CFTR: variants seen among roughly 807,000 people sequenced by gnomAD.
CFTR encodes the protein cystic fibrosis transmembrane conductance regulator.
A neutral mutation model predicts 171.6 loss-of-function variants in CFTR; 181 were observed. That is an observed-to-expected ratio of 1.05 (90% CI 0.93 to 1.19). The LOEUF is 1.19. CFTR is among the 50% of genes most tolerant of loss of function. The pLI is 0.00. For synonymous variants in CFTR, 583 were observed against 608.0 expected (o/e 0.96, Z 0.60); for missense variants, 1,968 against 1,734.7 (o/e 1.13, Z -2.39).
At chr7:117,610,466 A>C in intron 18 of CFTR, 53 bp from the exon 19 acceptor site, 2 of 1,497,524 alleles carry the variant, frequency 1.3e-6, no homozygotes, top group Non-Finnish European at 1.9e-6. Context: ...CACTTTGTCC[A>C]CTTTGCAATG....
chr7:117,665,177 T>C (rs1449596659), intron 25 of CFTR, among the ~76,000 whole-genome samples: 1 of 152,196 alleles, frequency 6.6e-6, no homozygotes, highest in Non-Finnish European at 1.5e-5. Flanking sequence ...ATAAGCATGT[T>C]TATAGCCCCA....
At chr7:117,485,266 T>C (rs1194469824) in intron 1 of CFTR, among the ~76,000 whole-genome samples, 1 of 152,188 alleles carries the variant, frequency 6.6e-6, no homozygotes, top group South Asian at 2.1e-4. Context: ...GTGTTGGTTG[T>C]CAAAACGTTA....
intron 2 of CFTR, 35 bp downstream of exon 2, chr7:117,504,398 A>T: frequency 1.0e-6 from 1 of 990,766 alleles, no homozygotes; most frequent in Non-Finnish European, 1.6e-6. Context: ...TGAAGAGAGA[A>T]ATTCATATTA....
At position 117,484,685 on chromosome 7, in the gene CFTR, A is replaced by G. The variant is rs1419645139; in HGVS notation, c.53+4538A>G. 2.0e-5 allele frequency among the ~76,000 whole-genome samples: 3 copies of G among 151,696 alleles called. 1 individual carries two copies. The highest frequency in any genetic ancestry group is 4.1e-4 in the South Asian group (2 of 4,826). ...TACCTGATATATGACAAAAATTATA[A>G]TTACATTTATTTATATATAAAATAT... is the stretch of plus-strand genomic sequence containing the variant. On this transcript the variant is annotated intron_variant, in intron 1 of 26. Transcript: ENST00000003084.
At chr7:117,490,242 G>C (rs1281067575) in intron 1 of CFTR, among the ~76,000 whole-genome samples, 1 of 148,986 alleles carries the variant, frequency 6.7e-6, no homozygotes, top group Non-Finnish European at 1.5e-5. Flanking sequence ...GTATTATTAT[G>C]ATATCAAAAA....
At chr7:117,484,100 G>A (rs1798037300) in intron 1 of CFTR, among the ~76,000 whole-genome samples, 1 of 152,082 alleles carries the variant, frequency 6.6e-6, no homozygotes, top group African/African-American at 2.4e-5. Flanking sequence ...TTATGGCTAA[G>A]CCATAAATAT....
At chr7:117,652,310 A>T (rs1793100690) in intron 23 of CFTR, among the ~76,000 whole-genome samples, 1 of 152,194 alleles carries the variant, frequency 6.6e-6, no homozygotes, top group Non-Finnish European at 1.5e-5. Flanking sequence ...TGATCAGATA[A>T]GTAGAGTTGT....
At chr7:117,636,620 T>G (rs1208497509) in intron 22 of CFTR, among the ~76,000 whole-genome samples, 1 of 152,112 alleles carries the variant, frequency 6.6e-6, no homozygotes, top group Non-Finnish European at 1.5e-5. Flanking sequence ...GAAGTTTCTA[T>G]TGACATATTC....
At chr7:117,653,418 GCATACTTCCTGGTT>G (rs1380036010) in intron 24 of CFTR, among the ~76,000 whole-genome samples, 1 of 152,154 alleles carries the variant, frequency 6.6e-6, no homozygotes, top group Non-Finnish European at 1.5e-5. Context: ...TCTCGTGAGA[GCATACTTCCTGGTT>G]CATTGATGGT....
chr7:117,504,218 C>T, intron 1 of CFTR, 35 bp from the exon 2 acceptor site: 1 of 1,252,122 alleles, frequency 8.0e-7, no homozygotes, highest in African/African-American at 1.5e-5. Flanking sequence ...GAGACCAAAT[C>T]AAGTGAATAT....
At chr7:117,599,484 A>G (rs766725486) in intron 15 of CFTR, among the ~76,000 whole-genome samples, 12 of 152,286 alleles carry the variant, frequency 7.9e-5, no homozygotes, top group Non-Finnish European at 1.5e-4. Flanking sequence ...AACAGAGAAT[A>G]TAAATACCAT....
chr7:117,627,869 T>C, intron 22 of CFTR, 99 bp downstream of exon 22: 1 of 1,192,662 alleles, frequency 8.4e-7, no homozygotes, highest in Non-Finnish European at 1.2e-6. Context: ...GTAACATTAT[T>C]ATTGTACAGT....
intron 1 of CFTR, among the ~76,000 whole-genome samples, chr7:117,485,422 T>C (rs1429189558): frequency 1.3e-5 from 2 of 152,338 alleles, no homozygotes; most frequent in East Asian, 3.9e-4. Context: ...TTTGGAGATC[T>C]TGTAGAAAGA....
At chr7:117,562,962 A>G (rs553699735) in intron 11 of CFTR, among the ~76,000 whole-genome samples, 23 of 152,322 alleles carry the variant, frequency 1.5e-4, no homozygotes, top group Admixed American at 1.4e-3. Flanking sequence ...CCAGAAGGCC[A>G]TGTCATGGAG....
rs564531878 is a variant in CFTR, at chr7:117,585,855, C to T, written c.1585-1884C>T. 3.0e-4 allele frequency among the ~76,000 whole-genome samples: 45 copies of T among 152,010 alleles called. No homozygotes were observed. In the South Asian group the frequency reaches 6.7e-3, roughly 23 times the overall value. Reference sequence around the variant, plus strand: ...TAGAGATGGGTCTTGCTATGTTGCCCAGGCTGGTCTCAAACTTCCAATCTC... The same window carrying T: ...TAGAGATGGGTCTTGCTATGTTGCCTAGGCTGGTCTCAAACTTCCAATCTC... On this transcript the variant is annotated intron_variant, in intron 11 of 26. Coordinates refer to ENST00000003084, the MANE Select transcript of CFTR (RefSeq NM_000492.4).
intron 20 of CFTR, among the ~76,000 whole-genome samples, chr7:117,612,950 A>G (rs1430391049): frequency 6.6e-6 from 1 of 152,134 alleles, no homozygotes; most frequent in Non-Finnish European, 1.5e-5. Context: ...TACAAACTCA[A>G]AGTCCTGGAG....
chr7:117,561,508 A>G (rs956192218), intron 11 of CFTR, among the ~76,000 whole-genome samples: 4 of 152,092 alleles, frequency 2.6e-5, no homozygotes, highest in Non-Finnish European at 5.9e-5. Flanking sequence ...ACAATCACCC[A>G]TCTACTTTCT....
rs145894520 is a variant in CFTR, at chr7:117,618,305, G to A, written c.3468+3592G>A. The stretch of plus-strand genomic sequence containing the variant: ...GGAGTTTGAGACCAGCCTGGCCAAC[G>A]TGGTGAAACCCCATCTCTCCTAAAA... On this transcript the variant is annotated intron_variant, in intron 21 of 26. Transcript: ENST00000003084. 1.9e-3 allele frequency among the ~76,000 whole-genome samples: 282 copies of A among 152,062 alleles called. 2 individuals carry two copies. Among genetic ancestry groups the A allele is most frequent in the African/African-American group, 6.3e-3 (263 of 41,484 alleles).
chr7:117,482,122 C>A (rs1584765367), intron 1 of CFTR, among the ~76,000 whole-genome samples: 1 of 152,180 alleles, frequency 6.6e-6, no homozygotes, highest in East Asian at 1.9e-4. Context: ...GACTCTCAAT[C>A]TGGATATGCA....
Sources: gnomAD v4.1 joint callset for allele counts (sites outside exome capture counted in the v4.1 genomes callset) on GRCh38, gnomAD v4.1.1 for gene constraint, MANE v1.5 for transcripts, NCBI Gene and HGNC (gene_info 2026-07-23, HGNC 2026-07-21) for gene names.